The following FUZ variants were observed in gnomAD, a reference collection of about 807,000 sequenced individuals.
FUZ encodes protein fuzzy homolog.
A neutral mutation model predicts 43.1 loss-of-function variants in FUZ; 31 were observed. The observed-to-expected ratio is 0.72, with a 90% CI of 0.54 to 0.97. The LOEUF (loss-of-function observed/expected upper bound fraction) is 0.97. Ranked by LOEUF, FUZ falls within the 50% of genes least tolerant of loss-of-function variation. The pLI, the probability that FUZ is intolerant of heterozygous loss-of-function variation, is 0.00. For missense variants in FUZ, 539 were observed against 543.8 expected (o/e 0.99, Z 0.09); for synonymous variants, 274 against 250.0 (o/e 1.10, Z -0.91).
chr19:49,812,102 C>A, intron 3 of FUZ, 149 bp downstream of exon 3: 1 of 713,854 alleles, frequency 1.4e-6, no homozygotes, highest in Non-Finnish European at 2.5e-6. Flanking sequence ...AGCGAGACTC[C>A]GTCTCAAAAC....
rs2073425053 is a variant in FUZ at position 49,807,148 on chromosome 19, T to C, written c.*3A>G. 6.2e-7 allele frequency: 1 copy of C among 1,611,874 alleles called. No individual in the cohort carries two copies. The highest frequency in any genetic ancestry group is 8.5e-7 in the Non-Finnish European group (1 of 1,179,520). On this transcript the variant is annotated 3_prime_UTR_variant, in exon 11 of 11. Coordinates refer to ENST00000313777, the MANE Select transcript of FUZ (RefSeq NM_025129.5). ...TCTGTGTCCATCACCCACTGCTAGG[T>C]AGTCAAAGAAGTGGGGTGAGGGCAT...
intron 5 of FUZ, among the ~76,000 whole-genome samples, chr19:49,810,059 G>T (rs995684404): frequency 6.6e-6 from 1 of 152,208 alleles, no homozygotes; most frequent in Non-Finnish European, 1.5e-5. Context: ...CTGTGAGGTA[G>T]CTGGGTGGAA....
rs1289869196 is a variant in FUZ, at chr19:49,808,579, T to TC, written c.952dup (p.Asp318GlyfsTer2). 1 of 1,609,704 alleles carries TC rather than the reference T, an allele frequency of 6.2e-7. No homozygotes were observed. Among genetic ancestry groups the TC allele is most frequent in the Non-Finnish European group, 8.5e-7 (1 of 1,178,072 alleles). ...CTGCCCCTGTCCTCAGTCACCTTTA[T>TC]CCCCCAAGGGCTCCACGGTGAAGAG... On this transcript the variant is annotated frameshift_variant, in exon 9 of 11. Transcript: ENST00000313777. LOFTEE classifies it high-confidence loss of function.
Position 49,809,126 on chromosome 19 carries a change from G to T in FUZ, c.786+37C>A. ...GGGAAGGGCCCTCCTGGTAGCGGGT[G>T]TCCTAAGAGCGAAAGCGGGACGTGG... On this transcript the variant is annotated intron_variant, in intron 7 of 10. Transcript: ENST00000313777. This position sits in a 1 kb window ranked among gnomAD's most constrained non-coding sequence, Gnocchi z 5.1. 6.5e-7 allele frequency: 1 copy of T among 1,534,090 alleles called. No individual in the cohort carries two copies. The highest frequency in any genetic ancestry group is 8.8e-7 in the Non-Finnish European group (1 of 1,131,972).
chr19:49,810,801 G>A (rs1273377572), intron 5 of FUZ, among the ~76,000 whole-genome samples: 1 of 151,992 alleles, frequency 6.6e-6, no homozygotes, highest in African/African-American at 2.4e-5. Flanking sequence ...AGTGAGCTAT[G>A]ACTGAGCCAC....
At position 49,809,701 on chromosome 19, in the gene FUZ, T is replaced by G; in HGVS notation, c.493-126A>C. The G allele has an allele frequency of 8.9e-6, 8 of 901,176 alleles. No individual in the cohort carries two copies. The highest frequency in any genetic ancestry group is 1.4e-5 in the Non-Finnish European group (8 of 574,426). The allele number at this position is 901,176 out of a possible 1,614,324, so 55.8% of individuals were successfully genotyped here. A position where few individuals can be genotyped will look rare whatever the true frequency, so the allele number is the denominator to read the frequency against. On this transcript the variant is annotated intron_variant, in intron 5 of 10. Coordinates refer to ENST00000313777, the MANE Select transcript of FUZ (RefSeq NM_025129.5). The surrounding 1 kb of genome is among the most constrained non-coding windows in gnomAD (Gnocchi z 5.1). ...CCCCGAGCTCGCGCAGTGGCCATGC[T>G]CCTACGTCTCACCCTCTCTGAGCCT...
At chr19:49,807,562 C>G (rs2073455283) in intron 10 of FUZ, among the ~76,000 whole-genome samples, 188 bp from the exon 11 acceptor site, 1 of 152,188 alleles carries the variant, frequency 6.6e-6, no homozygotes, top group Non-Finnish European at 1.5e-5. Context: ...TGATGTCACT[C>G]AGCTCACCCT....
In FUZ at chr19:49,808,397, C is replaced by T. The variant is rs368396623; in HGVS notation, c.1033+17G>A. 19 of 1,609,062 alleles carry T rather than the reference C, an allele frequency of 1.2e-5. No individual in the cohort carries two copies. Among genetic ancestry groups the T allele is most frequent in the East Asian group, 2.2e-5 (1 of 44,718 alleles). On this transcript the variant is annotated intron_variant, in intron 10 of 10. Transcript: ENST00000313777. The stretch of plus-strand genomic sequence containing the variant: ...TGTCCCCGCCTGCGCAGTGGGAGCA[C>T]TGTGCCTTCCGCTGACCTGGTGGGA...
rs2073427990 is a variant in FUZ, at chr19:49,807,187, G to A, written c.1221C>T (p.Ala407=). The A allele has an allele frequency of 6.2e-7, 1 of 1,613,276 alleles. No homozygotes were observed. Among genetic ancestry groups the A allele is most frequent in the Admixed American group, 1.7e-5 (1 of 59,912 alleles). The part of the protein sequence containing the change: ...QSPTHGLRSL[A]THTLHALTPL... ...GGGTGAGGGCATGCAGAGTGTGGGT[G>A]GCCAGGCTTCGCAGCCCATGGGTGG... The change falls in exon 11 of 11, where the codon GCC becomes GCT. Residue 407 remains alanine (A), a synonymous_variant. Transcript: ENST00000313777.
chr19:49,808,965 A>G, intron 7 of FUZ, 142 bp from the exon 8 acceptor site: 1 of 869,270 alleles, frequency 1.2e-6, no homozygotes. Context: ...GGCAGAAGGG[A>G]CTGGGGAAGG....
At chr19:49,813,373 T>C (rs2073882825), upstream of FUZ, 1 of 551,866 alleles carries the variant, frequency 1.8e-6, no homozygotes. Flanking sequence ...GCAAATTGAA[T>C]TTGCAAAGCT....
In FUZ at chr19:49,809,237, G is replaced by GCTCCA; in HGVS notation, c.711_712insTGGAG (p.Leu238TrpfsTer3). On this transcript the variant is annotated frameshift_variant, in exon 7 of 11. Coordinates refer to ENST00000313777, the MANE Select transcript of FUZ (RefSeq NM_025129.5). LOFTEE classifies it high-confidence loss of function. The surrounding 1 kb of genome is among the most constrained non-coding windows in gnomAD (Gnocchi z 5.1). ...AGCTCCAGGCTCGGCAGCAGAGTCA[G>GCTCCA]GGTCAGGAGCCGGTGTGGGACCTGA... 1 of 1,551,112 alleles carries GCTCCA rather than the reference G, an allele frequency of 6.4e-7. No homozygotes were observed. The highest frequency in any genetic ancestry group is 8.7e-7 in the Non-Finnish European group (1 of 1,146,968).
At chr19:49,811,299 G>A in intron 5 of FUZ, 64 bp downstream of exon 5, 4 of 1,126,032 alleles carry the variant, frequency 3.6e-6, no homozygotes, top group Non-Finnish European at 5.3e-6. Context: ...CCAGAAGAAA[G>A]AGGATGAGGA....
chr19:49,808,839 T>G lies in FUZ; in HGVS notation c.787-16A>C, dbSNP rs534130927. 1 of 1,540,084 alleles carries G rather than the reference T, an allele frequency of 6.5e-7. No homozygotes were observed. The highest frequency in any genetic ancestry group is 1.4e-5 in the African/African-American group (1 of 72,690). On this transcript the variant is annotated splice_polypyrimidine_tract_variant and intron_variant, in intron 7 of 10. Coordinates refer to ENST00000313777, the MANE Select transcript of FUZ (RefSeq NM_025129.5). ...GCTCCAGAAGCTGCAGGGGGCGTGG[T>G]CATTGTGAGGTCGTCATGGGAAGGC...
Position 49,812,232 on chromosome 19 carries a change from GA to G in FUZ, c.318+18del, listed in dbSNP as rs774750115. The stretch of plus-strand genomic sequence containing the variant: ...TCAGATTCCTGGTCTGGGGAGAAAA[GA>G]GGACTGGTGAGTCTCACCATGGCTC... On this transcript the variant is annotated intron_variant, in intron 3 of 10. Coordinates refer to ENST00000313777, the MANE Select transcript of FUZ (RefSeq NM_025129.5). 3.1e-6 allele frequency: 5 copies of G among 1,588,396 alleles called. No individual in the cohort carries two copies.
rs540539168 is a variant in FUZ at position 49,812,349 on chromosome 19, G to A, written c.234-14C>T. 11 of 1,611,032 alleles carry A rather than the reference G, an allele frequency of 6.8e-6. No individual in the cohort carries two copies. Among genetic ancestry groups the A allele is most frequent in the African/African-American group, 2.7e-5 (2 of 74,804 alleles). On this transcript the variant is annotated splice_polypyrimidine_tract_variant and intron_variant, in intron 2 of 10. Transcript: ENST00000313777. Reference sequence around the variant, plus strand: ...ATGAGGGTGATGCTGTGGAATGGAAGTGAGAAGAATGAGTCAAGGCCTGGG... The same window carrying A: ...ATGAGGGTGATGCTGTGGAATGGAAATGAGAAGAATGAGTCAAGGCCTGGG...
Position 49,812,751 on chromosome 19 carries a change from G to C in FUZ, c.112-15C>G, listed in dbSNP as rs2073852055. ...GAGAACGGGAGCTAAGGAGGGGTTA[G>C]GGACATCAGACAAGAGCACCCCCCC... On this transcript the variant is annotated splice_polypyrimidine_tract_variant and intron_variant, in intron 1 of 10. Transcript: ENST00000313777. The C allele has an allele frequency of 1.2e-6, 2 of 1,613,018 alleles. No individual in the cohort carries two copies. Among genetic ancestry groups the C allele is most frequent in the East Asian group, 2.2e-5 (1 of 44,872 alleles).
Position 49,813,185 on chromosome 19 carries a change from G to T in FUZ, c.-79C>A. ...GCATGGCGGTAATCAGAGTAACTCGGCCTGTGGTCCGGAGCCGCCAGAGGG... is the reference window on the plus strand; with the variant it reads ...GCATGGCGGTAATCAGAGTAACTCGTCCTGTGGTCCGGAGCCGCCAGAGGG... On this transcript the variant is annotated 5_prime_UTR_variant, in exon 1 of 11. Coordinates refer to ENST00000313777, the MANE Select transcript of FUZ (RefSeq NM_025129.5). 1 of 1,322,274 alleles carries T rather than the reference G, an allele frequency of 7.6e-7. No individual in the cohort carries two copies. The highest frequency in any genetic ancestry group is 1.1e-6 in the Non-Finnish European group (1 of 939,554). 81.9% of individuals were successfully genotyped at this position (1,322,274 alleles called of 1,614,324 possible). A position where few individuals can be genotyped will look rare whatever the true frequency, so the allele number is the denominator to read the frequency against.
chr19:49,809,950 C>T lies in FUZ; in HGVS notation c.493-375G>A, dbSNP rs2073680194. 5.3e-6 allele frequency: 2 copies of T among 378,880 alleles called. No individual in the cohort carries two copies. Among genetic ancestry groups the T allele is most frequent in the Non-Finnish European group, 1.0e-5 (2 of 200,190 alleles). 23.5% of individuals were successfully genotyped at this position (378,880 alleles called of 1,614,324 possible). ...ATGCCTGGGAGGCCGCCACACCAGGCAAGTCCACAAGAGCAGTATTTAAGT... is the reference window on the plus strand; with the variant it reads ...ATGCCTGGGAGGCCGCCACACCAGGTAAGTCCACAAGAGCAGTATTTAAGT... On this transcript the variant is annotated intron_variant, in intron 5 of 10. Coordinates refer to ENST00000313777, the MANE Select transcript of FUZ (RefSeq NM_025129.5). This position sits in a 1 kb window ranked among gnomAD's most constrained non-coding sequence, Gnocchi z 5.1.
Sources: gnomAD v4.1 joint callset for allele counts (sites outside exome capture counted in the v4.1 genomes callset) on GRCh38, gnomAD v4.1.1 for gene constraint, Gnocchi (gnomAD v3.1) non-coding constraint, MANE v1.5 for transcripts, NCBI Gene and HGNC (gene_info 2026-07-23, HGNC 2026-07-21) for gene names.